The following LMF1 variants were observed in gnomAD, a reference collection of about 807,000 sequenced individuals.
The protein encoded by LMF1 is transmembrane protein 112.
A neutral mutation model predicts 60.6 loss-of-function variants in LMF1; 68 were observed. That is an observed-to-expected ratio of 1.12 (90% CI 0.92 to 1.37). The LOEUF is 1.37. Among genes scored for constraint, LMF1 ranks in the 40% most tolerant of loss-of-function variants. The pLI is 0.00. For missense variants in LMF1, 948 were observed against 767.2 expected (o/e 1.24, Z -2.78); for synonymous variants, 418 against 324.7 (o/e 1.29, Z -3.09).
intron 4 of LMF1, among the ~76,000 whole-genome samples, chr16:894,726 C>T (rs865809590): frequency 2.0e-4 from 31 of 152,348 alleles, no homozygotes; most frequent in African/African-American, 7.0e-4. Flanking sequence ...TCACTGTTGC[C>T]CACACGGTGG....
At chr16:976,851 C>G (rs1181793753) in intron 1 of LMF1, 2 of 454,028 alleles carry the variant, frequency 4.4e-6, no homozygotes, top group Non-Finnish European at 4.4e-6. Flanking sequence ...TTTCCACATG[C>G]GAACAGCCTG....
intron 3 of LMF1, among the ~76,000 whole-genome samples, chr16:917,377 C>T (rs12923498): frequency 1.9e-5 from 2 of 108,096 alleles, no homozygotes; most frequent in African/African-American, 4.9e-5. Flanking sequence ...AAATGCCACA[C>T]GTGTGCGCTG....
upstream of LMF1, among the ~76,000 whole-genome samples, chr16:973,659 G>A (rs1418365124): frequency 6.6e-6 from 1 of 152,188 alleles, no homozygotes; most frequent in African/African-American, 2.4e-5. Flanking sequence ...GTCGTTCACT[G>A]GCAAATGGCT....
chr16:857,682 G>GC (rs1310406443), intron 10 of LMF1, among the ~76,000 whole-genome samples: 2 of 58,018 alleles, frequency 3.4e-5, no homozygotes, highest in East Asian at 5.2e-4. Context: ...GGACGGGTGT[G>GC]AGTGGTGTCT....
intron 5 of LMF1, among the ~76,000 whole-genome samples, chr16:890,525 C>G (rs1555452014): frequency 6.6e-6 from 1 of 152,162 alleles, no homozygotes; most frequent in Non-Finnish European, 1.5e-5. Context: ...CTCTGTGAGC[C>G]AAGGCTCAGC....
chr16:859,076 G>C (rs1596830122), intron 10 of LMF1, among the ~76,000 whole-genome samples: 1 of 124,666 alleles, frequency 8.0e-6, no homozygotes, highest in African/African-American at 3.6e-5. Flanking sequence ...TCACGGGACG[G>C]GTGTGAGTGG....
intron 1 of LMF1, chr16:976,337 G>A (rs1384065549): frequency 4.4e-6 from 2 of 454,098 alleles, no homozygotes; most frequent in Admixed American, 4.7e-5. Flanking sequence ...CAGGAATCAG[G>A]CTGCGATCTG....
intron 5 of LMF1, among the ~76,000 whole-genome samples, 163 bp downstream of exon 5, chr16:892,844 G>A (rs908800665): frequency 1.3e-5 from 2 of 152,214 alleles, no homozygotes; most frequent in African/African-American, 4.8e-5. Flanking sequence ...GCCCCCGTGT[G>A]ACCACCCACC....
intron 2 of LMF1, among the ~76,000 whole-genome samples, chr16:949,757 G>A (rs1407388983): frequency 9.5e-6 from 1 of 105,476 alleles, no homozygotes; most frequent in Non-Finnish European, 1.8e-5. Flanking sequence ...GACAGAGTCA[G>A]AGCCAATGAC....
In LMF1 at chr16:870,825, C is replaced by A. The variant is rs36055899; in HGVS notation, c.1136G>T (p.Ser379Ile). The A allele has an allele frequency of 6.2e-7, 1 of 1,612,348 alleles. No homozygotes were observed. Residue 379 changes from serine to isoleucine, a missense_variant, in exon 8 of 11, where the codon AGC becomes ATC. Coordinates refer to ENST00000262301, the MANE Select transcript of LMF1 (RefSeq NM_022773.4). ...CAGCAAGTTGAGGACCACGGGCACG[C>A]TGAGCCAGGCCAGCAGGACGCCCAG... is the stretch of plus-strand genomic sequence containing the variant. ...VSLGVLLAWL[S>I]VPVVLNLLSS...
At chr16:893,805 G>A (rs1329614810) in intron 4 of LMF1, among the ~76,000 whole-genome samples, 1 of 152,078 alleles carries the variant, frequency 6.6e-6, no homozygotes, top group Non-Finnish European at 1.5e-5. Context: ...GAAACAAACT[G>A]TCCCCTCTTC....
rs78956447 is a variant in LMF1, at chr16:935,826, T to A, written c.504-1572A>T. Among the ~76,000 whole-genome samples the A allele has an allele frequency of 7.6e-3, 1,153 of 152,298 alleles. 23 individuals carry two copies. Among genetic ancestry groups the A allele is most frequent in the African/African-American group, 0.027 (1,101 of 41,546 alleles). ...CTCCCTACATCGTCCGACCTTTGAATATGTCTGTGATTTTCCACCTTGACA... is the reference window on the plus strand; with the variant it reads ...CTCCCTACATCGTCCGACCTTTGAAAATGTCTGTGATTTTCCACCTTGACA... On this transcript the variant is annotated intron_variant, in intron 2 of 10. Transcript: ENST00000262301.
chr16:927,894 G>T (rs1340393135), intron 3 of LMF1, among the ~76,000 whole-genome samples: 1 of 152,226 alleles, frequency 6.6e-6, no homozygotes, highest in Non-Finnish European at 1.5e-5. Flanking sequence ...CAGTGTCTGG[G>T]GCCCCGCACA....
At chr16:892,762 C>T in intron 5 of LMF1, among the ~76,000 whole-genome samples, 1 of 152,202 alleles carries the variant, frequency 6.6e-6, no homozygotes, top group Non-Finnish European at 1.5e-5. Context: ...GGTGCCCGTG[C>T]AGGAACCAGA....
chr16:877,954 C>T (rs1316880266), intron 6 of LMF1, among the ~76,000 whole-genome samples: 2 of 152,100 alleles, frequency 1.3e-5, no homozygotes, highest in African/African-American at 4.8e-5. Context: ...GAAGTCACCT[C>T]AGAGCTGCAG....
At chr16:864,112 T>C (rs1291417075) in intron 10 of LMF1, among the ~76,000 whole-genome samples, 1 of 152,256 alleles carries the variant, frequency 6.6e-6, no homozygotes, top group African/African-American at 2.4e-5. Context: ...TTCACATGTT[T>C]TGCAGATCTG....
chr16:979,144 T>C (rs1305391552), intron 1 of LMF1: 1 of 449,092 alleles, frequency 2.2e-6, no homozygotes, highest in African/African-American at 2.0e-5. Context: ...TAATACCTGG[T>C]GACCCTCAAG....
At chr16:859,012 CAGTGGTGTCACGGGACGGGTGTG>C (rs2069322177) in intron 10 of LMF1, among the ~76,000 whole-genome samples, 2 of 78,808 alleles carry the variant, frequency 2.5e-5, no homozygotes, top group Admixed American at 1.6e-4. Context: ...GACGCGTGTG[CAGTGGTGTCACGGGACGGGTGTG>C]AGTGATGTCA....
At chr16:923,850 G>GA (rs1480883373) in intron 3 of LMF1, among the ~76,000 whole-genome samples, 3 of 152,154 alleles carry the variant, frequency 2.0e-5, no homozygotes, top group Non-Finnish European at 4.4e-5. Context: ...AAAGTGGAGA[G>GA]AAAAAACTGA....
Sources: gnomAD v4.1 joint callset for allele counts (sites outside exome capture counted in the v4.1 genomes callset) on GRCh38, gnomAD v4.1.1 for gene constraint, MANE v1.5 for transcripts, NCBI Gene and HGNC (gene_info 2026-07-23, HGNC 2026-07-21) for gene names.